The following PTPRK variants were observed in gnomAD, a reference collection of about 807,000 sequenced individuals.
PTPRK encodes the protein protein tyrosine phosphatase receptor type K.
A neutral mutation model predicts 178.0 loss-of-function variants in PTPRK; 75 were observed. The ratio of observed to expected loss-of-function variants is 0.42; its 90% CI spans 0.35 to 0.51. PTPRK has a LOEUF of 0.51. Among genes scored for constraint, PTPRK ranks in the 20% least tolerant of loss-of-function variants. PTPRK has a pLI of 0.02. For synonymous variants in PTPRK, 637 were observed against 620.6 expected (o/e 1.03, Z -0.39); for missense variants, 1,441 against 1,797.8 (o/e 0.80, Z 3.59).
intron 1 of PTPRK, among the ~76,000 whole-genome samples, chr6:128,503,815 A>T (rs1554283967): frequency 1.3e-5 from 2 of 150,284 alleles, no homozygotes; most frequent in Non-Finnish European, 2.9e-5. Context: ...TGGGACTAAA[A>T]GCATGCACCA....
intron 7 of PTPRK, among the ~76,000 whole-genome samples, chr6:128,117,667 T>G (rs939763503): frequency 1.3e-5 from 2 of 152,198 alleles, no homozygotes; most frequent in African/African-American, 4.8e-5. Context: ...ATTTATGTAT[T>G]TATGAGATGG....
chr6:128,137,256 T>C (rs922328762), intron 7 of PTPRK, among the ~76,000 whole-genome samples: 1 of 152,220 alleles, frequency 6.6e-6, no homozygotes, highest in African/African-American at 2.4e-5. Flanking sequence ...TTTTGAGCCA[T>C]GCAGCTTTTT....
At chr6:127,974,753 A>ATTAT (rs1774333764) in intron 27 of PTPRK, among the ~76,000 whole-genome samples, 1 of 152,230 alleles carries the variant, frequency 6.6e-6, no homozygotes, top group Admixed American at 6.5e-5. Flanking sequence ...AAAAAGGATT[A>ATTAT]TACAATTTTC....
At chr6:128,482,478 C>T (rs115012610) in intron 1 of PTPRK, among the ~76,000 whole-genome samples, 246 of 152,196 alleles carry the variant, frequency 1.6e-3, no homozygotes, top group African/African-American at 5.7e-3. Context: ...AAACAGAGAC[C>T]TGTTTAAAAT....
At chr6:128,354,231 GTTTTTTTTT>G (rs756148554) in intron 2 of PTPRK, among the ~76,000 whole-genome samples, 8 of 49,368 alleles carry the variant, frequency 1.6e-4, no homozygotes, top group South Asian at 1.2e-3. Context: ...TTTTGTTTAT[GTTTTTTTTT>G]TTTTTTTTTT....
At chr6:128,310,791 C>A (rs202198272) in intron 3 of PTPRK, among the ~76,000 whole-genome samples, 2 of 152,212 alleles carry the variant, frequency 1.3e-5, no homozygotes, top group East Asian at 3.8e-4. Flanking sequence ...CCACTTTATT[C>A]TCCAGGAGAT....
intron 2 of PTPRK, among the ~76,000 whole-genome samples, chr6:128,395,648 T>A (rs189443341): frequency 6.6e-6 from 1 of 152,040 alleles, no homozygotes; most frequent in East Asian, 1.9e-4. Context: ...ATTACAGTAG[T>A]TTAATTAAAA....
chr6:127,983,284 G>C lies in PTPRK; in HGVS notation c.3345C>G (p.Val1115=), dbSNP rs778080147. 4 of 1,613,410 alleles carry C rather than the reference G, an allele frequency of 2.5e-6. No individual in the cohort carries two copies. The highest frequency in any genetic ancestry group is 3.3e-5 in the Admixed American group (2 of 59,998). Residue 1115 remains valine, a synonymous_variant, in exon 23 of 30, where the codon GTC becomes GTG. Coordinates refer to ENST00000368226, the MANE Select transcript of PTPRK (RefSeq NM_002844.4). ...REGVVDIYNC[V]KALRSRRINM... is the part of the protein sequence containing the mutation. ...TAATACGCCGAGATCTTAAGGCTTT[G>C]ACACAATTGTAAATATCAACAACAC...
intron 12 of PTPRK, among the ~76,000 whole-genome samples, chr6:128,066,664 A>G (rs1781815190): frequency 6.6e-6 from 1 of 151,932 alleles, no homozygotes; most frequent in Non-Finnish European, 1.5e-5. Context: ...GAAAATTTCT[A>G]TCCTCAACAT....
Position 127,991,277 on chromosome 6 carries a change from C to T in PTPRK, c.2979+17G>A. The T allele has an allele frequency of 1.3e-6, 2 of 1,566,874 alleles. No individual in the cohort carries two copies. The highest frequency in any genetic ancestry group is 1.7e-6 in the Non-Finnish European group (2 of 1,154,430). Reference sequence around the variant, plus strand: ...TGTTCATTTTTATGACAAAAAAATTCTTTTTCTTCCTCTTACCCGGCCAAC... The same window carrying T: ...TGTTCATTTTTATGACAAAAAAATTTTTTTTCTTCCTCTTACCCGGCCAAC... On this transcript the variant is annotated intron_variant, in intron 20 of 29. Coordinates refer to ENST00000368226, the MANE Select transcript of PTPRK (RefSeq NM_002844.4).
intron 1 of PTPRK, among the ~76,000 whole-genome samples, chr6:128,433,832 T>TTG (rs1845164806): frequency 6.7e-6 from 1 of 149,276 alleles, no homozygotes; most frequent in African/African-American, 2.6e-5. Flanking sequence ...CACTGTTTTT[T>TTG]TTTTTTTTTT....
chr6:128,007,970 G>T, intron 14 of PTPRK: 1 of 1,011,046 alleles, frequency 9.9e-7, no homozygotes, highest in Non-Finnish European at 1.4e-6. Flanking sequence ...CACAGAGGGA[G>T]ACAACAGCAA....
At chr6:128,216,832 A>G (rs1441064087) in intron 6 of PTPRK, among the ~76,000 whole-genome samples, 1 of 152,050 alleles carries the variant, frequency 6.6e-6, no homozygotes, top group Non-Finnish European at 1.5e-5. Context: ...GCACCTGGAT[A>G]AAAGCATAAA....
At chr6:128,468,552 T>C (rs1374821293) in intron 1 of PTPRK, among the ~76,000 whole-genome samples, 3 of 152,168 alleles carry the variant, frequency 2.0e-5, no homozygotes, top group Admixed American at 6.6e-5. Context: ...TTAAATATTA[T>C]CTTTGATATA....
At chr6:128,040,894 C>G (rs980229114) in intron 13 of PTPRK, among the ~76,000 whole-genome samples, 3 of 151,956 alleles carry the variant, frequency 2.0e-5, no homozygotes, top group African/African-American at 4.8e-5. Context: ...AGAACTGGAA[C>G]AAGATTCCAA....
At chr6:127,984,550 T>C (rs988872701) in intron 22 of PTPRK, among the ~76,000 whole-genome samples, 1 of 152,166 alleles carries the variant, frequency 6.6e-6, no homozygotes, top group African/African-American at 2.4e-5. Flanking sequence ...TCTTGGAGCA[T>C]TTCTGAAGCA....
intron 13 of PTPRK, among the ~76,000 whole-genome samples, chr6:128,060,063 C>CAG (rs981697436): frequency 1.3e-5 from 2 of 151,894 alleles, no homozygotes; most frequent in African/African-American, 4.8e-5. Flanking sequence ...GCAATGAGAG[C>CAG]AGAGAGAGAG....
chr6:128,434,486 C>T (rs1328723403), intron 1 of PTPRK, among the ~76,000 whole-genome samples: 2 of 152,084 alleles, frequency 1.3e-5, no homozygotes, highest in East Asian at 3.9e-4. Context: ...CACTAAATAG[C>T]CATATGACTT....
At chr6:128,019,173 A>T (rs1397724458) in intron 13 of PTPRK, among the ~76,000 whole-genome samples, 1 of 152,222 alleles carries the variant, frequency 6.6e-6, no homozygotes, top group African/African-American at 2.4e-5. Flanking sequence ...AAAGAAAGAC[A>T]ATCTCAGGAG....
Sources: gnomAD v4.1 joint callset for allele counts (sites outside exome capture counted in the v4.1 genomes callset) on GRCh38, gnomAD v4.1.1 for gene constraint, MANE v1.5 for transcripts, NCBI Gene and HGNC (gene_info 2026-07-23, HGNC 2026-07-21) for gene names.